Variants in SUGCT observed in about 807,000 individuals in gnomAD.
SUGCT encodes succinyl-CoA:glutarate CoA-transferase.
In SUGCT, 41 loss-of-function variants were observed where a neutral mutation model predicts 55.0. That is an observed-to-expected ratio of 0.74 (90% CI 0.58 to 0.97). The LOEUF is 0.97. Ranked by LOEUF, SUGCT falls within the 50% of genes least tolerant of loss-of-function variation. The pLI is 0.00. For missense variants in SUGCT, 568 were observed against 547.8 expected, an observed-to-expected ratio of 1.04 and a Z score of -0.37; for synonymous variants, 187 against 200.4, an observed-to-expected ratio of 0.93 and a Z score of 0.56.
chr7:40,337,549 T>C (rs1562693413), intron 9 of SUGCT, among the ~76,000 whole-genome samples: 1 of 152,210 alleles, frequency 6.6e-6, no homozygotes, highest in Non-Finnish European at 1.5e-5. Context: ...AAGTCTGTTT[T>C]ATCAGAGACT....
intron 13 of SUGCT, among the ~76,000 whole-genome samples, chr7:40,815,072 G>A (rs1791601311): frequency 6.6e-6 from 1 of 152,168 alleles, no homozygotes; most frequent in African/African-American, 2.4e-5. Context: ...CAACATGGTT[G>A]GATATATACT....
At chr7:40,694,753 T>C (rs1784849510) in intron 12 of SUGCT, among the ~76,000 whole-genome samples, 1 of 152,212 alleles carries the variant, frequency 6.6e-6, no homozygotes, top group South Asian at 2.1e-4. Flanking sequence ...CTGAAGAAGA[T>C]ATAAAACAAT....
chr7:40,217,593 T>A (rs1787748749), intron 6 of SUGCT: 1 of 283,994 alleles, frequency 3.5e-6, no homozygotes, highest in Non-Finnish European at 7.2e-6. Flanking sequence ...TGTTGTGCCT[T>A]TCTCCCCATC....
chr7:40,940,928 GT>G, the SUGCT span, among the ~76,000 whole-genome samples: 7 of 152,066 alleles, frequency 4.6e-5, no homozygotes, highest in Non-Finnish European at 8.8e-5. Context: ...AATGGTGAAA[GT>G]GGGTATCCTT....
intron 7 of SUGCT, among the ~76,000 whole-genome samples, chr7:40,261,424 C>T (rs1791215877): frequency 6.6e-6 from 1 of 152,168 alleles, no homozygotes; most frequent in East Asian, 1.9e-4. Context: ...TCCCAGTTAA[C>T]ACCTCTCAGC....
intron 9 of SUGCT, among the ~76,000 whole-genome samples, chr7:40,409,867 A>G (rs1367241697): frequency 6.6e-6 from 1 of 152,196 alleles, no homozygotes; most frequent in Non-Finnish European, 1.5e-5. Flanking sequence ...TATAAAAATT[A>G]AATTGATTAG....
intron 7 of SUGCT, among the ~76,000 whole-genome samples, chr7:40,246,571 C>T (rs1789892386): frequency 6.7e-6 from 1 of 149,894 alleles, no homozygotes; most frequent in Admixed American, 6.7e-5. Context: ...TGATTTATGC[C>T]TGACTTTTTT....
rs1016498550 is a variant in SUGCT, at chr7:40,357,036, A to G, written c.816+40181A>G. On this transcript the variant is annotated intron_variant, in intron 9 of 13. Coordinates refer to ENST00000335693, the MANE Select transcript of SUGCT (RefSeq NM_001193313.2). Reference sequence around the variant, plus strand: ...ACATTTCTTTAGCTGCTGTAATCAGACACAATTTAAAATGACTCATCACTG... The same window carrying G: ...ACATTTCTTTAGCTGCTGTAATCAGGCACAATTTAAAATGACTCATCACTG... 2.0e-5 allele frequency among the ~76,000 whole-genome samples: 3 copies of G among 152,232 alleles called. No homozygotes were observed. The East Asian group carries it at 5.8e-4, about 29-fold the overall frequency.
intron 13 of SUGCT, among the ~76,000 whole-genome samples, chr7:40,815,997 G>A (rs891452992): frequency 6.6e-6 from 1 of 152,226 alleles, no homozygotes; most frequent in African/African-American, 2.4e-5. Flanking sequence ...TCTCAGAGGA[G>A]CAAGCTGGGG....
In SUGCT at chr7:40,860,359, G is replaced by C; in HGVS notation, c.1197G>C (p.Arg399Ser). 1 of 1,613,994 alleles carries C rather than the reference G, an allele frequency of 6.2e-7. No individual in the cohort carries two copies. Among genetic ancestry groups the C allele is most frequent in the Non-Finnish European group, 8.5e-7 (1 of 1,179,872 alleles). ...RYSKFKMSEARPPPLLGQHTT... is the reference protein window; with the variant it reads ...RYSKFKMSEASPPPLLGQHTT... ...GTAAGTTCAAGATGTCAGAGGCCAG[G>C]CCGCCCCCGCTGCTCGGGCAGCACA... The change falls in exon 14 of 14, where the codon AGG (arginine) becomes AGC (serine). Residue 399 changes from arginine (R) to serine (S), a missense_variant. Arg to Ser is a moderately radical substitution (Grantham distance 110). Coordinates refer to ENST00000335693, the MANE Select transcript of SUGCT (RefSeq NM_001193313.2).
At chr7:40,573,952 A>G (rs935655049) in intron 12 of SUGCT, among the ~76,000 whole-genome samples, 25 of 152,116 alleles carry the variant, frequency 1.6e-4, no homozygotes, top group Middle Eastern at 3.2e-3. Flanking sequence ...TTATTCACCT[A>G]TGATGTTTCT....
chr7:40,270,862 A>G (rs1215543424), intron 7 of SUGCT, among the ~76,000 whole-genome samples: 2 of 150,214 alleles, frequency 1.3e-5, no homozygotes, highest in African/African-American at 4.9e-5. Context: ...TTTTTGTCTT[A>G]ATTTCTTTCA....
intron 13 of SUGCT, among the ~76,000 whole-genome samples, chr7:40,802,062 T>C (rs1320049621): frequency 6.6e-6 from 1 of 151,922 alleles, no homozygotes; most frequent in Non-Finnish European, 1.5e-5. Context: ...CTCTTTTTTT[T>C]CCTGAATGGA....
intron 12 of SUGCT, among the ~76,000 whole-genome samples, chr7:40,504,512 G>A (rs1321559809): frequency 6.6e-6 from 1 of 151,988 alleles, no homozygotes; most frequent in African/African-American, 2.4e-5. Flanking sequence ...TTGGCTCACT[G>A]CAACCTCTGC....
the SUGCT span, among the ~76,000 whole-genome samples, chr7:40,922,210 T>A: frequency 6.6e-6 from 1 of 152,220 alleles, no homozygotes; most frequent in Non-Finnish European, 1.5e-5. Context: ...TGTCTTCTAG[T>A]GACCCCTTTT....
chr7:40,944,732 G>C, the SUGCT span, among the ~76,000 whole-genome samples: 3 of 152,220 alleles, frequency 2.0e-5, no homozygotes, highest in East Asian at 5.8e-4. Flanking sequence ...TTTGGCTTAG[G>C]ATTGACTTGG....
the SUGCT span, among the ~76,000 whole-genome samples, chr7:40,930,176 G>A: frequency 6.6e-6 from 1 of 152,130 alleles, no homozygotes; most frequent in Non-Finnish European, 1.5e-5. Flanking sequence ...ATTAAATAGG[G>A]AATCCTTTCC....
chr7:40,943,578 A>G, the SUGCT span, among the ~76,000 whole-genome samples: 2 of 149,662 alleles, frequency 1.3e-5, no homozygotes, highest in African/African-American at 4.9e-5. Context: ...ATGATTTCCA[A>G]TTTCATCCAT....
the SUGCT span, among the ~76,000 whole-genome samples, chr7:40,986,047 A>C: frequency 1.3e-5 from 2 of 152,188 alleles, no homozygotes; most frequent in African/African-American, 4.8e-5. Context: ...ATATACTTTG[A>C]CTTTTTGAGG....
Sources: allele counts gnomAD v4.1 joint callset (sites outside exome capture counted in the v4.1 genomes callset), GRCh38; gene constraint gnomAD v4.1.1; transcripts MANE v1.5; gene names NCBI Gene and HGNC (gene_info 2026-07-23, HGNC 2026-07-21).